MEDAG: variants seen among roughly 807,000 people sequenced by gnomAD.
The protein encoded by MEDAG is mesenteric estrogen dependent adipogenesis.
MEDAG carries 25 observed loss-of-function variants against 29.9 expected under a neutral mutation model. That is an observed-to-expected ratio of 0.84 (90% CI 0.61 to 1.17). MEDAG has a LOEUF of 1.17. Ranked by LOEUF, MEDAG falls within the 50% of genes most tolerant of loss-of-function variation. The pLI, the probability that MEDAG is intolerant of heterozygous loss-of-function variation, is 0.00. For synonymous variants in MEDAG, 158 were observed against 148.2 expected, an observed-to-expected ratio of 1.07 and a Z score of -0.48; for missense variants, 398 against 372.9, an observed-to-expected ratio of 1.07 and a Z score of -0.56.
intron 2 of MEDAG, among the ~76,000 whole-genome samples, chr13:30,918,354 G>A (rs185955935): frequency 1.3e-5 from 2 of 152,256 alleles, no homozygotes; most frequent in African/African-American, 2.4e-5. Context: ...ACTGACCCGG[G>A]CAAACTAGGA....
chr13:30,917,146 AT>A (rs1288221082), intron 1 of MEDAG, among the ~76,000 whole-genome samples: 1 of 152,232 alleles, frequency 6.6e-6, no homozygotes, highest in East Asian at 1.9e-4. Flanking sequence ...ACTGGTGATC[AT>A]CTGGTAAAGT....
chr13:30,915,542 T>G (rs1173374113), intron 1 of MEDAG, among the ~76,000 whole-genome samples: 1 of 152,164 alleles, frequency 6.6e-6, no homozygotes, highest in Non-Finnish European at 1.5e-5. Flanking sequence ...GGTGGTTTTC[T>G]TTTTCCTGCC....
Position 30,907,323 on chromosome 13 carries a change from G to A in MEDAG, c.278+530G>A, listed in dbSNP as rs545392510. Among the ~76,000 whole-genome samples, 27 of 152,336 alleles carry A rather than the reference G, an allele frequency of 1.8e-4. 2 individuals carry two copies. In the South Asian group the frequency reaches 4.6e-3, roughly 26 times the overall value. On this transcript the variant is annotated intron_variant, in intron 1 of 4. Coordinates refer to ENST00000380482, the MANE Select transcript of MEDAG (RefSeq NM_032849.4). Reference sequence around the variant, plus strand: ...AGTTTCCCATCTCTGGCCTCACTTCGTGTTTCAAAAGTAAACAAATAAACC... The same window carrying A: ...AGTTTCCCATCTCTGGCCTCACTTCATGTTTCAAAAGTAAACAAATAAACC...
At chr13:30,921,165 A>T in intron 3 of MEDAG, 39 bp downstream of exon 3, 1 of 1,534,954 alleles carries the variant, frequency 6.5e-7, no homozygotes, top group Non-Finnish European at 9.0e-7. Flanking sequence ...TGTCAACCAC[A>T]TGGAAGGAGC....
At chr13:30,913,424 T>C (rs1473521057) in intron 1 of MEDAG, among the ~76,000 whole-genome samples, 1 of 152,106 alleles carries the variant, frequency 6.6e-6, no homozygotes, top group East Asian at 1.9e-4. Context: ...CCTAGGCTGG[T>C]CTGGAACTGT....
At chr13:30,907,660 A>G (rs1952842951) in intron 1 of MEDAG, among the ~76,000 whole-genome samples, 1 of 152,226 alleles carries the variant, frequency 6.6e-6, no homozygotes, top group Admixed American at 6.5e-5. Context: ...AAGACCTGTT[A>G]TATTTGTGCT....
intron 1 of MEDAG, among the ~76,000 whole-genome samples, chr13:30,909,807 C>G (rs1327668001): frequency 6.6e-6 from 1 of 152,168 alleles, no homozygotes; most frequent in African/African-American, 2.4e-5. Context: ...CTAAGAGCCA[C>G]CGACCTTGAC....
At chr13:30,921,964 T>G in intron 4 of MEDAG, 118 bp downstream of exon 4, 1 of 1,105,064 alleles carries the variant, frequency 9.0e-7, no homozygotes. Context: ...GGGAAATAGA[T>G]CACAAAATTC....
Position 30,921,665 on chromosome 13 carries a change from T to G in MEDAG, c.606T>G (p.Phe202Leu). 1 of 1,614,130 alleles carries G rather than the reference T, an allele frequency of 6.2e-7. No individual in the cohort carries two copies. The highest frequency in any genetic ancestry group is 8.5e-7 in the Non-Finnish European group (1 of 1,180,004). ...FAYEFKADAL[F>L]DFFYWFGLSN... ...ATGAATTCAAAGCTGATGCATTATTTGATTTCTTCTATTGGTTTGGGCTCA... is the reference window on the plus strand; with the variant it reads ...ATGAATTCAAAGCTGATGCATTATTGGATTTCTTCTATTGGTTTGGGCTCA... The change falls in exon 4 of 5, where the codon TTT becomes TTG. Residue 202 changes from phenylalanine (F) to leucine (L), a missense_variant. Physicochemically the swap from Phe to Leu is conservative, Grantham distance 22. Coordinates refer to ENST00000380482, the MANE Select transcript of MEDAG (RefSeq NM_032849.4).
rs753728863 is a variant in MEDAG, at chr13:30,921,028, T to C, written c.403T>C (p.Phe135Leu). Reference sequence around the variant, plus strand: ...CTAATTTCTAGAAAGGACGTACGCGTTTCTTGTAAACACGAGGCACCCCAA... The same window carrying C: ...CTAATTTCTAGAAAGGACGTACGCGCTTCTTGTAAACACGAGGCACCCCAA... ...KDTSKERTYA[F>L]LVNTRHPKIR... The change falls in exon 3 of 5, where the codon TTT (phenylalanine) becomes CTT (leucine). Residue 135 changes from phenylalanine (F) to leucine (L), a missense_variant. Coordinates refer to ENST00000380482, the MANE Select transcript of MEDAG (RefSeq NM_032849.4). The C allele has an allele frequency of 1.9e-6, 3 of 1,614,000 alleles. No individual in the cohort carries two copies. The East Asian group carries it at 6.7e-5, about 36-fold the overall frequency.
chr13:30,909,140 A>AAAAT (rs71093102), intron 1 of MEDAG: 1 of 141,710 alleles, frequency 7.1e-6, no homozygotes, highest in Non-Finnish European at 1.5e-5. Context: ...AAAAAAAAAA[A>AAAAT]TCTCAGCATT....
intron 2 of MEDAG, among the ~76,000 whole-genome samples, chr13:30,917,988 G>A (rs760753775): frequency 3.3e-5 from 5 of 152,172 alleles, no homozygotes; most frequent in Non-Finnish European, 7.4e-5. Flanking sequence ...AAATCAGCTT[G>A]TGACAAGGTA....
chr13:30,924,220 A>T, intron 4 of MEDAG, 91 bp from the exon 5 acceptor site: 1 of 1,309,500 alleles, frequency 7.6e-7, no homozygotes, highest in South Asian at 1.5e-5. Flanking sequence ...TAATTATTAA[A>T]ATAGTTAGGT....
intron 4 of MEDAG, chr13:30,922,583 G>A (rs551183601): frequency 6.6e-6 from 1 of 152,044 alleles, no homozygotes; most frequent in Non-Finnish European, 1.5e-5. Context: ...TATTTGGAAG[G>A]GTTCTCCAGA....
At chr13:30,920,622 ACTG>A (rs1593510587) in intron 2 of MEDAG, among the ~76,000 whole-genome samples, 1 of 152,020 alleles carries the variant, frequency 6.6e-6, no homozygotes, top group East Asian at 1.9e-4. Flanking sequence ...AAAATCCAGC[ACTG>A]CAGGAACATG....
At chr13:30,915,619 G>A (rs1450180110) in intron 1 of MEDAG, among the ~76,000 whole-genome samples, 2 of 152,088 alleles carry the variant, frequency 1.3e-5, no homozygotes, top group Non-Finnish European at 1.5e-5. Flanking sequence ...AAAAGGGCAG[G>A]AAAATTCTCT....
At position 30,911,857 on chromosome 13, in the gene MEDAG, G is replaced by A. The variant is rs148433440; in HGVS notation, c.278+5064G>A. Among the ~76,000 whole-genome samples the A allele has an allele frequency of 5.0e-3, 760 of 152,226 alleles. 9 individuals carry two copies. The highest frequency in any genetic ancestry group is 0.017 in the African/African-American group (723 of 41,532). ...AAACACAGATTCTGATTTATTATGG[G>A]GGGAGCCCTGGATTTTTCATCATGC... is the stretch of plus-strand genomic sequence containing the variant. On this transcript the variant is annotated intron_variant, in intron 1 of 4. Transcript: ENST00000380482.
chr13:30,919,427 T>C (rs1952960783), intron 2 of MEDAG, among the ~76,000 whole-genome samples: 1 of 152,222 alleles, frequency 6.6e-6, no homozygotes, highest in Non-Finnish European at 1.5e-5. Flanking sequence ...GTGTACAACC[T>C]GCCCCATCAG....
chr13:30,906,722 C>G lies in MEDAG; in HGVS notation c.207C>G (p.Gly69=). 6.6e-7 allele frequency: 1 copy of G among 1,516,538 alleles called. No homozygotes were observed. Among genetic ancestry groups the G allele is most frequent in the Non-Finnish European group, 8.8e-7 (1 of 1,141,418 alleles). The allele number at this position is 1,516,538 out of a possible 1,614,324, so 93.9% of individuals were successfully genotyped here. A position where few individuals can be genotyped will look rare whatever the true frequency, so the allele number is the denominator to read the frequency against. ...RPGEPAAARG[G]FNVFGDGLVR... ...GGGAGCCGGCGGCGGCGCGGGGGGG[C>G]TTCAACGTCTTCGGTGACGGCCTCG... Residue 69 remains glycine (G), a synonymous_variant, in exon 1 of 5, where the codon GGC becomes GGG. Coordinates refer to ENST00000380482, the MANE Select transcript of MEDAG (RefSeq NM_032849.4).
Sources: allele counts gnomAD v4.1 joint callset (sites outside exome capture counted in the v4.1 genomes callset), GRCh38; gene constraint gnomAD v4.1.1; transcripts MANE v1.5; gene names NCBI Gene and HGNC (gene_info 2026-07-23, HGNC 2026-07-21).